Variants in ADAMTSL1 observed in about 807,000 individuals in gnomAD.
The protein encoded by ADAMTSL1 is ADAMTS like 1.
A neutral mutation model predicts 201.8 loss-of-function variants in ADAMTSL1; 126 were observed. The ratio of observed to expected loss-of-function variants is 0.62; its 90% CI spans 0.54 to 0.72. The LOEUF is 0.72. Ranked by LOEUF, ADAMTSL1 falls within the 30% of genes least tolerant of loss-of-function variation. The pLI is 0.00. For missense variants in ADAMTSL1, 2,679 were observed against 2,277.8 expected, an observed-to-expected ratio of 1.18 and a Z score of -3.59; for synonymous variants, 1,121 against 903.4, an observed-to-expected ratio of 1.24 and a Z score of -4.32.
chr9:17,923,773 G>A (rs1377706309), intron 1 of ADAMTSL1, among the ~76,000 whole-genome samples: 1 of 139,238 alleles, frequency 7.2e-6, no homozygotes, highest in African/African-American at 2.7e-5. Flanking sequence ...GTCATAGATA[G>A]CTCTTATTAT....
intron 2 of ADAMTSL1, among the ~76,000 whole-genome samples, chr9:18,169,684 A>G (rs1443949244): frequency 2.0e-5 from 3 of 151,986 alleles, no homozygotes; most frequent in Non-Finnish European, 2.9e-5. Context: ...AGCTTGATGG[A>G]GATGGCATTG....
chr9:17,955,016 G>A (rs1276838734), intron 1 of ADAMTSL1, among the ~76,000 whole-genome samples: 1 of 152,086 alleles, frequency 6.6e-6, no homozygotes, highest in African/African-American at 2.4e-5. Flanking sequence ...AACGGATGTG[G>A]CCCCAGTTAA....
intron 23 of ADAMTSL1, among the ~76,000 whole-genome samples, chr9:18,841,895 A>G (rs1211460929): frequency 1.3e-5 from 2 of 151,950 alleles, no homozygotes; most frequent in Admixed American, 6.6e-5. Context: ...CCCCTTTATC[A>G]TTTTTTATTG....
In ADAMTSL1 at chr9:18,338,226, G is replaced by A. The variant is rs143385137; in HGVS notation, c.208-166603G>A. Among the ~76,000 whole-genome samples, 47 of 151,884 alleles carry A rather than the reference G, an allele frequency of 3.1e-4. No individual in the cohort carries two copies. The East Asian group carries it at 6.8e-3, about 22-fold the overall frequency. On this transcript the variant is annotated intron_variant, in intron 2 of 29. Coordinates refer to the ADAMTSL1 transcript ENST00000680146. ...GCCACTGACCCTTAACTTTTCCACC[G>A]CACTCTCAGCATGGAGAAAAGAGTC...
At chr9:18,824,779 C>T (rs1367259832) in intron 21 of ADAMTSL1, among the ~76,000 whole-genome samples, 1 of 134,228 alleles carries the variant, frequency 7.5e-6, no homozygotes, top group Non-Finnish European at 1.5e-5. Flanking sequence ...CTCACTGCAA[C>T]CTCTGCCTCC....
chr9:18,048,087 C>T (rs549877461), intron 1 of ADAMTSL1, among the ~76,000 whole-genome samples: 2 of 152,288 alleles, frequency 1.3e-5, no homozygotes, highest in South Asian at 2.1e-4. Context: ...GCATCATTAT[C>T]TTGGAAGAGT....
chr9:18,277,414 AT>A (rs1412234333), intron 2 of ADAMTSL1, among the ~76,000 whole-genome samples: 1 of 152,148 alleles, frequency 6.6e-6, no homozygotes, highest in African/African-American at 2.4e-5. Context: ...TGGTTTATAT[AT>A]TTAAATGCTC....
At chr9:18,893,420 C>T (rs1477845475) in intron 26 of ADAMTSL1, among the ~76,000 whole-genome samples, 5 of 152,196 alleles carry the variant, frequency 3.3e-5, no homozygotes. Context: ...TGCTCCCTTT[C>T]TGCATTCCTT....
At chr9:18,301,822 T>C (rs996515690) in intron 2 of ADAMTSL1, among the ~76,000 whole-genome samples, 4 of 152,246 alleles carry the variant, frequency 2.6e-5, no homozygotes, top group Non-Finnish European at 5.9e-5. Context: ...TGCCAGAGTC[T>C]GTTGTCTTTA....
chr9:18,502,076 A>T (rs1378957149), intron 1 of ADAMTSL1, among the ~76,000 whole-genome samples: 2 of 152,260 alleles, frequency 1.3e-5, no homozygotes, highest in Non-Finnish European at 2.9e-5. Flanking sequence ...CCCAGAGAAC[A>T]GCCAGAGGGA....
chr9:18,630,372 C>T (rs1269463701), intron 5 of ADAMTSL1, among the ~76,000 whole-genome samples: 1 of 152,150 alleles, frequency 6.6e-6, no homozygotes, highest in Non-Finnish European at 1.5e-5. Flanking sequence ...CGGGTAATTT[C>T]CTCACACTTA....
intron 2 of ADAMTSL1, among the ~76,000 whole-genome samples, chr9:18,411,158 A>G (rs2805925): frequency 0.55 from 81,380 of 148,572 alleles, 22,586 homozygotes; most frequent in African/African-American, 0.63. Context: ...CACTGCACCC[A>G]GCCCTTTATT....
chr9:18,061,487 A>G (rs1822453545), intron 1 of ADAMTSL1, among the ~76,000 whole-genome samples: 1 of 152,226 alleles, frequency 6.6e-6, no homozygotes, highest in Admixed American at 6.5e-5. Flanking sequence ...GATAATATAT[A>G]TGAGATTGCC....
intron 3 of ADAMTSL1, among the ~76,000 whole-genome samples, chr9:18,541,603 G>T (rs904559116): frequency 3.9e-5 from 6 of 152,130 alleles, no homozygotes; most frequent in African/African-American, 1.2e-4. Flanking sequence ...GGATAATGAG[G>T]ACTTAAAGCA....
chr9:18,159,868 C>T (rs985398038), intron 1 of ADAMTSL1, among the ~76,000 whole-genome samples: 5 of 151,990 alleles, frequency 3.3e-5, no homozygotes, highest in Non-Finnish European at 7.4e-5. Context: ...CTGACTGCAT[C>T]CCAAAGCCAA....
chr9:18,170,360 C>T (rs946248548), intron 2 of ADAMTSL1, among the ~76,000 whole-genome samples: 1 of 151,862 alleles, frequency 6.6e-6, no homozygotes, highest in African/African-American at 2.4e-5. Flanking sequence ...CTCAGAACAA[C>T]CTGAGGTAGG....
chr9:18,367,296 T>C (rs1284704053), intron 2 of ADAMTSL1, among the ~76,000 whole-genome samples: 2 of 152,176 alleles, frequency 1.3e-5, no homozygotes, highest in Admixed American at 1.3e-4. Context: ...GCTTTTTCAC[T>C]TATAATGGAC....
intron 2 of ADAMTSL1, among the ~76,000 whole-genome samples, chr9:18,376,753 C>A (rs1837313601): frequency 6.6e-6 from 1 of 152,082 alleles, no homozygotes. Context: ...TTGCAGTGAG[C>A]CAAGATCGCA....
Position 18,795,067 on chromosome 9 carries a change from C to A in ADAMTSL1, c.3678-330C>A, listed in dbSNP as rs147402846. ...CCCAAATCTATCTGTACCGTTTGTTCTAGCATCCCCCCTTCCCCCGGATAT... is the reference window on the plus strand; with the variant it reads ...CCCAAATCTATCTGTACCGTTTGTTATAGCATCCCCCCTTCCCCCGGATAT... On this transcript the variant is annotated intron_variant, in intron 19 of 28. Coordinates refer to ENST00000380548, the MANE Select transcript of ADAMTSL1 (RefSeq NM_001040272.6). 2.0e-5 allele frequency among the ~76,000 whole-genome samples: 3 copies of A among 152,292 alleles called. No individual in the cohort carries two copies. The East Asian group carries it at 5.8e-4, about 29-fold the overall frequency.
Sources: gnomAD v4.1 joint callset for allele counts (sites outside exome capture counted in the v4.1 genomes callset) on GRCh38, gnomAD v4.1.1 for gene constraint, MANE v1.5 for transcripts, NCBI Gene and HGNC (gene_info 2026-07-23, HGNC 2026-07-21) for gene names.